The following DACH1 variants were observed in gnomAD, a reference collection of about 807,000 sequenced individuals.
DACH1 encodes the protein dachshund family transcription factor 1, also known as dachshund homolog 1.
A neutral mutation model predicts 54.2 loss-of-function variants in DACH1; 12 were observed. The ratio of observed to expected loss-of-function variants is 0.22; its 90% confidence interval spans 0.14 to 0.36. The LOEUF is 0.36. Ranked by LOEUF, DACH1 falls within the 10% of genes least tolerant of loss-of-function variation. The pLI is 1.00. For missense variants in DACH1, 805 were observed against 929.8 expected, an observed-to-expected ratio of 0.87 and a Z score of 1.75; for synonymous variants, 386 against 366.2, an observed-to-expected ratio of 1.05 and a Z score of -0.62.
chr13:71,553,768 C>A lies in DACH1; in HGVS notation c.1570+3256G>T, dbSNP rs1246828033. Among the ~76,000 whole-genome samples the A allele has an allele frequency of 4.6e-5, 7 of 150,608 alleles. No individual in the cohort carries two copies. The Admixed American group carries it at 4.7e-4, about 10-fold the overall frequency. On this transcript the variant is annotated intron_variant, in intron 6 of 10. Coordinates refer to ENST00000613252, the MANE Select transcript of DACH1 (RefSeq NM_080759.6). ...GAATGAATTTACTCAATAGTTAAAA[C>A]CTCTGGTCCTTCAACTAATGGTGAC...
intron 2 of DACH1, among the ~76,000 whole-genome samples, chr13:71,673,045 T>C (rs1001548455): frequency 2.0e-5 from 3 of 152,108 alleles, no homozygotes; most frequent in African/African-American, 7.2e-5. Context: ...GAGAGAGAAG[T>C]ATAAGCAGAT....
At chr13:71,683,512 A>G (rs1881011124) in intron 1 of DACH1, among the ~76,000 whole-genome samples, 1 of 152,150 alleles carries the variant, frequency 6.6e-6, no homozygotes, top group Non-Finnish European at 1.5e-5. Context: ...TAGGAAGAGG[A>G]GCAGTGATTG....
intron 1 of DACH1, among the ~76,000 whole-genome samples, chr13:71,739,578 C>T (rs1884296108): frequency 6.6e-6 from 1 of 151,828 alleles, no homozygotes. Flanking sequence ...CACTTAAAGA[C>T]TGTCAGTTTG....
intron 1 of DACH1, among the ~76,000 whole-genome samples, chr13:71,813,084 T>A (rs1887781140): frequency 6.6e-6 from 1 of 152,184 alleles, no homozygotes; most frequent in Admixed American, 6.5e-5. Context: ...TTAACAATGG[T>A]CTAACAAATA....
chr13:71,776,619 A>G (rs895016336), intron 1 of DACH1, among the ~76,000 whole-genome samples: 1 of 152,134 alleles, frequency 6.6e-6, no homozygotes, highest in Non-Finnish European at 1.5e-5. Context: ...ATTTGCTTTC[A>G]TTGAAAAGGT....
chr13:71,520,413 A>G (rs1881511967), intron 6 of DACH1, among the ~76,000 whole-genome samples: 1 of 151,730 alleles, frequency 6.6e-6, no homozygotes, highest in African/African-American at 2.4e-5. Context: ...CTTGTCCCCA[A>G]AACTCTAAAC....
intron 10 of DACH1, among the ~76,000 whole-genome samples, chr13:71,467,887 T>A (rs1876732753): frequency 6.6e-6 from 1 of 152,174 alleles, no homozygotes; most frequent in East Asian, 1.9e-4. Flanking sequence ...TTTAAGGTAA[T>A]ACCCATGGTG....
At chr13:71,573,671 G>A (rs1238149636) in intron 3 of DACH1, 1 of 435,148 alleles carries the variant, frequency 2.3e-6, no homozygotes, top group African/African-American at 2.1e-5. Flanking sequence ...ATCACATTTG[G>A]AGTTGGAAAA....
chr13:71,449,555 A>G (rs1874821172), intron 10 of DACH1, among the ~76,000 whole-genome samples: 1 of 150,832 alleles, frequency 6.6e-6, no homozygotes, highest in Non-Finnish European at 1.5e-5. Flanking sequence ...GGAGAGCATT[A>G]GGACAAATAC....
intron 1 of DACH1, among the ~76,000 whole-genome samples, chr13:71,695,253 C>T (rs1467021456): frequency 4.6e-5 from 7 of 152,176 alleles, no homozygotes; most frequent in Non-Finnish European, 1.0e-4. Flanking sequence ...TCTGATGACT[C>T]ACTTCAAATG....
At chr13:71,629,069 GC>G in intron 3 of DACH1, among the ~76,000 whole-genome samples, 1 of 152,114 alleles carries the variant, frequency 6.6e-6, no homozygotes, top group Middle Eastern at 3.4e-3. Flanking sequence ...GTCCAACAGT[GC>G]CCCATTTTCT....
At chr13:71,524,132 C>T (rs1333994203) in intron 6 of DACH1, among the ~76,000 whole-genome samples, 1 of 152,094 alleles carries the variant, frequency 6.6e-6, no homozygotes, top group African/African-American at 2.4e-5. Context: ...CGATTCTCTT[C>T]AAATTTCAAT....
At chr13:71,688,884 T>A (rs1234731497) in intron 1 of DACH1, among the ~76,000 whole-genome samples, 1 of 152,220 alleles carries the variant, frequency 6.6e-6, no homozygotes, top group Non-Finnish European at 1.5e-5. Context: ...CTACTAAGCA[T>A]ATGTATGTTT....
intron 6 of DACH1, among the ~76,000 whole-genome samples, chr13:71,536,412 A>G (rs1438293268): frequency 6.6e-6 from 1 of 152,090 alleles, no homozygotes; most frequent in Non-Finnish European, 1.5e-5. Flanking sequence ...TGCTATTCAA[A>G]CCCTAGGGCT....
chr13:71,785,674 G>T (rs1032588985), intron 1 of DACH1, among the ~76,000 whole-genome samples: 1 of 152,132 alleles, frequency 6.6e-6, no homozygotes, highest in Non-Finnish European at 1.5e-5. Context: ...AGCCTGAAAG[G>T]CCCAATGATT....
At chr13:71,762,959 C>T (rs77784571) in intron 1 of DACH1, among the ~76,000 whole-genome samples, 43 of 151,968 alleles carry the variant, frequency 2.8e-4, no homozygotes, top group African/African-American at 9.7e-4. Flanking sequence ...GCATATAAAA[C>T]GGCTTGCACC....
In DACH1 at chr13:71,763,096, G is replaced by A. The variant is rs535826581; in HGVS notation, c.849-81186C>T. ...TAATCTTCATCCTCAACATTCACAT[G>A]TATATATCACCTTATTTAGTTGCTA... On this transcript the variant is annotated intron_variant, in intron 1 of 10. Coordinates refer to ENST00000613252, the MANE Select transcript of DACH1 (RefSeq NM_080759.6). 1.8e-4 allele frequency among the ~76,000 whole-genome samples: 28 copies of A among 152,240 alleles called. No homozygotes were observed. The East Asian group carries it at 3.9e-3, about 21-fold the overall frequency.
chr13:71,562,744 A>G (rs1272186367), intron 4 of DACH1, among the ~76,000 whole-genome samples: 1 of 152,132 alleles, frequency 6.6e-6, no homozygotes, highest in African/African-American at 2.4e-5. Flanking sequence ...TCTGGATGCC[A>G]AAACTTACTT....
rs78178335 is a variant in DACH1 at position 71,662,036 on chromosome 13, G to T, written c.964+19759C>A. On this transcript the variant is annotated intron_variant, in intron 2 of 10. Coordinates refer to ENST00000613252, the MANE Select transcript of DACH1 (RefSeq NM_080759.6). ...TTCCAGTTGTGATTACCCAATTTGG[G>T]CAATGTTTTCTATCATGACCTCTCA... is the stretch of plus-strand genomic sequence containing the variant. Among the ~76,000 whole-genome samples the T allele has an allele frequency of 4.4e-3, 676 of 151,956 alleles. 4 individuals are homozygous for T. Among genetic ancestry groups the T allele is most frequent in the East Asian group, 0.024 (126 of 5,154 alleles).
Sources: gnomAD v4.1 joint callset for allele counts (sites outside exome capture counted in the v4.1 genomes callset) on GRCh38, gnomAD v4.1.1 for gene constraint, MANE v1.5 for transcripts, NCBI Gene and HGNC (gene_info 2026-07-23, HGNC 2026-07-21) for gene names.